Variants in RAD51B observed in about 807,000 individuals in gnomAD.
RAD51B encodes DNA repair protein RAD51 homolog 2.
A neutral mutation model predicts 42.2 loss-of-function variants in RAD51B; 38 were observed. That is an observed-to-expected ratio of 0.90 (90% CI 0.70 to 1.18). RAD51B has a LOEUF of 1.18. Among genes scored for constraint, RAD51B ranks in the 50% most tolerant of loss-of-function variants. The pLI is 0.00. For missense variants in RAD51B, 373 were observed against 400.7 expected, an observed-to-expected ratio of 0.93 and a Z score of 0.59; for synonymous variants, 154 against 145.2, an observed-to-expected ratio of 1.06 and a Z score of -0.43.
intron 7 of RAD51B, among the ~76,000 whole-genome samples, chr14:68,049,480 G>C (rs2076358372): frequency 6.6e-6 from 1 of 152,156 alleles, no homozygotes; most frequent in Non-Finnish European, 1.5e-5. Flanking sequence ...AGAGCACACA[G>C]AGAGCATAGA....
At chr14:68,620,810 G>A (rs551150880) in intron 10 of RAD51B, among the ~76,000 whole-genome samples, 1 of 152,306 alleles carries the variant, frequency 6.6e-6, no homozygotes, top group South Asian at 2.1e-4. Context: ...GATGGGATTT[G>A]GAAAAAGCAG....
At chr14:68,086,315 T>A (rs1353138260) in intron 7 of RAD51B, among the ~76,000 whole-genome samples, 1 of 152,104 alleles carries the variant, frequency 6.6e-6, no homozygotes, top group Admixed American at 6.5e-5. Context: ...CAGCTGCCCG[T>A]GTGTTCCTCG....
intron 7 of RAD51B, among the ~76,000 whole-genome samples, chr14:68,260,295 G>C (rs1020163968): frequency 1.4e-5 from 2 of 143,380 alleles, no homozygotes; most frequent in Non-Finnish European, 3.0e-5. Context: ...GTGGCTGAGA[G>C]ACCGTGTGTG....
intron 8 of RAD51B, among the ~76,000 whole-genome samples, chr14:68,332,874 G>C (rs1478473105): frequency 6.6e-6 from 1 of 152,204 alleles, no homozygotes; most frequent in Non-Finnish European, 1.5e-5. Flanking sequence ...TTTTTAGAGA[G>C]TCCAGACTTT....
intron 10 of RAD51B, among the ~76,000 whole-genome samples, chr14:68,547,464 A>T (rs2140377362): frequency 6.6e-6 from 1 of 152,336 alleles, no homozygotes; most frequent in East Asian, 1.9e-4. Context: ...TCCACAAAAC[A>T]GCTCAAAATG....
chr14:68,531,654 T>G (rs1887315478), intron 10 of RAD51B, among the ~76,000 whole-genome samples: 1 of 152,058 alleles, frequency 6.6e-6, no homozygotes, highest in South Asian at 2.1e-4. Context: ...TTACAGAAAT[T>G]TATTAAAAAC....
rs80293257 is a variant in RAD51B, at chr14:67,958,168, A to G, written c.756+70964A>G. On this transcript the variant is annotated intron_variant, in intron 7 of 10. Coordinates refer to ENST00000471583, the MANE Select transcript of RAD51B (RefSeq NM_133510.4). ...CTGCTCTAGCATGGAGGCTTCATGG[A>G]AGACAGGAACCATGTCTGTTTATTT... 3.2e-3 allele frequency among the ~76,000 whole-genome samples: 485 copies of G among 152,298 alleles called. 2 individuals carry two copies. Among genetic ancestry groups the G allele is most frequent in the African/African-American group, 0.011 (459 of 41,564 alleles).
chr14:67,894,048 C>G (rs1196782588), intron 7 of RAD51B, among the ~76,000 whole-genome samples: 1 of 152,104 alleles, frequency 6.6e-6, no homozygotes. Context: ...ATTTTATGAC[C>G]TTGAATAAGT....
chr14:68,206,795 T>G (rs980260141), intron 7 of RAD51B, among the ~76,000 whole-genome samples: 10 of 149,968 alleles, frequency 6.7e-5, no homozygotes, highest in Admixed American at 1.3e-4. Context: ...GTTCTTTTTT[T>G]TTTTTTTTTT....
At chr14:68,186,999 T>TA (rs1368395732) in intron 7 of RAD51B, among the ~76,000 whole-genome samples, 2 of 152,138 alleles carry the variant, frequency 1.3e-5, no homozygotes, top group Non-Finnish European at 2.9e-5. Context: ...ATATGGTACA[T>TA]ATAGACCATG....
chr14:68,002,536 G>A (rs1009442788), intron 7 of RAD51B, among the ~76,000 whole-genome samples: 1 of 152,230 alleles, frequency 6.6e-6, no homozygotes, highest in Middle Eastern at 3.4e-3. Context: ...TCTTCAATTA[G>A]ATCTCATTTG....
At chr14:68,371,348 C>G (rs976562551) in intron 8 of RAD51B, among the ~76,000 whole-genome samples, 7 of 152,046 alleles carry the variant, frequency 4.6e-5, no homozygotes, top group Non-Finnish European at 1.0e-4. Context: ...GAAACCCCGT[C>G]TCTACTAAAA....
chr14:68,483,116 T>G (rs1883333406), intron 10 of RAD51B, among the ~76,000 whole-genome samples: 1 of 152,102 alleles, frequency 6.6e-6, no homozygotes. Context: ...ATGATATACA[T>G]TCCTTCTACT....
At chr14:68,344,059 A>G (rs907867590) in intron 8 of RAD51B, among the ~76,000 whole-genome samples, 2 of 152,256 alleles carry the variant, frequency 1.3e-5, no homozygotes, top group Non-Finnish European at 2.9e-5. Flanking sequence ...GAGAACCTCT[A>G]CTAGAGCAGT....
intron 4 of RAD51B, among the ~76,000 whole-genome samples, chr14:67,836,488 T>C (rs1226810436): frequency 1.7e-5 from 1 of 59,484 alleles, no homozygotes; most frequent in Non-Finnish European, 3.8e-5. Flanking sequence ...AATTAGCCTC[T>C]TTTTTTTTTT....
At chr14:68,595,680 T>A in exon 11 of RAD51B, 1 of 957,204 alleles carries the variant, frequency 1.0e-6, no homozygotes, top group Non-Finnish European at 1.3e-6. Context: ...TTCGACCATA[T>A]GGTATTGGTT....
At chr14:67,861,779 G>A (rs2042172513) in intron 4 of RAD51B, among the ~76,000 whole-genome samples, 1 of 152,098 alleles carries the variant, frequency 6.6e-6, no homozygotes, top group Non-Finnish European at 1.5e-5. Flanking sequence ...GAGTGAAAAT[G>A]TAACTGCCTT....
rs371420214 is a variant in RAD51B, at chr14:68,217,639, G to T, written c.757-74245G>T. 1.2e-3 allele frequency among the ~76,000 whole-genome samples: 188 copies of T among 152,242 alleles called. 1 individual carries two copies. The highest frequency in any genetic ancestry group is 3.4e-3 in the Middle Eastern group (1 of 294). On this transcript the variant is annotated intron_variant, in intron 7 of 10. Transcript: ENST00000471583. The stretch of plus-strand genomic sequence containing the variant: ...CTGAAAATGTACAGTCCCTGTCCCA[G>T]AGTGGCATTCTCAAGATTTTTTTCT...
intron 7 of RAD51B, among the ~76,000 whole-genome samples, chr14:68,144,208 G>T (rs1344117009): frequency 6.6e-6 from 1 of 152,164 alleles, no homozygotes; most frequent in Non-Finnish European, 1.5e-5. Context: ...TTGGTCATTT[G>T]CTGTCTGTCT....
Sources: gnomAD v4.1 joint callset for allele counts (sites outside exome capture counted in the v4.1 genomes callset) on GRCh38, gnomAD v4.1.1 for gene constraint, MANE v1.5 for transcripts, NCBI Gene and HGNC (gene_info 2026-07-23, HGNC 2026-07-21) for gene names.